The following FRMPD1 variants were observed in gnomAD, a reference collection of about 807,000 sequenced individuals.
The protein encoded by FRMPD1 is FERM and PDZ domain-containing protein 1.
FRMPD1 carries 76 observed loss-of-function variants against 117.8 expected under a neutral mutation model. That is an observed-to-expected ratio of 0.65 (90% CI 0.54 to 0.78). FRMPD1 has a LOEUF of 0.78. Among genes scored for constraint, FRMPD1 ranks in the 30% least tolerant of loss-of-function variants. The probability of loss-of-function intolerance (pLI) is 0.00; values close to 1 mark genes in which losing one functional copy is unlikely to be tolerated. For missense variants in FRMPD1, 1,786 were observed against 1,964.5 expected, an observed-to-expected ratio of 0.91 and a Z score of 1.72; for synonymous variants, 783 against 770.4, an observed-to-expected ratio of 1.02 and a Z score of -0.27.
chr9:37,660,617 A>G (rs919009581), intron 1 of FRMPD1, among the ~76,000 whole-genome samples: 1 of 152,220 alleles, frequency 6.6e-6, no homozygotes. Flanking sequence ...TTCCATTTTG[A>G]CAAGGCTTGT....
rs1822165545 is a variant in FRMPD1 at position 37,692,274 on chromosome 9, A to G, written c.-4-364A>G. Among the ~76,000 whole-genome samples the G allele has an allele frequency of 2.0e-5, 3 of 152,326 alleles. No homozygotes were observed. The South Asian group carries it at 6.2e-4, about 32-fold the overall frequency. On this transcript the variant is annotated intron_variant, in intron 1 of 15. Coordinates refer to ENST00000377765, the MANE Select transcript of FRMPD1 (RefSeq NM_014907.3). ...CCTGATGCAGGCAAAACTGAACCGC[A>G]TTGTCCAGGGTTGCACACATAGTTG...
chr9:37,680,749 G>T (rs1291135134), intron 1 of FRMPD1, among the ~76,000 whole-genome samples: 6 of 152,112 alleles, frequency 3.9e-5, no homozygotes, highest in African/African-American at 1.4e-4. Flanking sequence ...TGTGAGCATT[G>T]TTTTTTCTCT....
intron 6 of FRMPD1, 34 bp from the exon 7 acceptor site, chr9:37,724,191 G>T: frequency 9.1e-7 from 1 of 1,100,336 alleles, no homozygotes. Flanking sequence ...AATAAAAAAA[G>T]ACAGGGATAC....
chr9:37,720,095 A>G (rs1823327697), intron 6 of FRMPD1, among the ~76,000 whole-genome samples: 1 of 152,202 alleles, frequency 6.6e-6, no homozygotes, highest in Admixed American at 6.5e-5. Context: ...CATGGTCCAC[A>G]TCTACAGAGC....
chr9:37,722,521 T>C (rs1823441220), intron 6 of FRMPD1, among the ~76,000 whole-genome samples: 1 of 152,234 alleles, frequency 6.6e-6, no homozygotes, highest in East Asian at 1.9e-4. Flanking sequence ...AATTCTTCTG[T>C]CTCAGCCTCC....
intron 5 of FRMPD1, among the ~76,000 whole-genome samples, chr9:37,713,202 G>A (rs1485388041): frequency 6.6e-6 from 1 of 152,146 alleles, no homozygotes; most frequent in Admixed American, 6.5e-5. Context: ...GGCCTTGATA[G>A]GCAGGTTTAA....
rs978687062 is a variant in FRMPD1 at position 37,651,097 on chromosome 9, A to G, written c.-5+3A>G. On this transcript the variant is annotated splice_donor_region_variant and intron_variant, in intron 1 of 15. Transcript: ENST00000377765. ...CGCGGGCGGCACCTCCTCTGCAGGT[A>G]AGGGAGGGGTCCTGGCACCGCAAAG... is the stretch of plus-strand genomic sequence containing the variant. The G allele has an allele frequency of 3.3e-5, 5 of 152,128 alleles. No homozygotes were observed. In the South Asian group the frequency reaches 6.2e-4, roughly 19 times the overall value. 9.4% of individuals were successfully genotyped at this position (152,128 alleles called of 1,614,324 possible).
At chr9:37,676,527 C>T (rs1008379319) in intron 1 of FRMPD1, among the ~76,000 whole-genome samples, 1 of 152,156 alleles carries the variant, frequency 6.6e-6, no homozygotes, top group Non-Finnish European at 1.5e-5. Context: ...GCTGTTGGTG[C>T]CACTCCTACT....
At position 37,714,640 on chromosome 9, in the gene FRMPD1, A is replaced by ATTTTG. The variant is rs1563944988; in HGVS notation, c.408+3249_408+3250insGTTTT. ...ATTTTATTTTGTTTTGTTTTATTTT[A>ATTTTG]TTTTATCTTATTTTATTTATTTTTG... On this transcript the variant is annotated intron_variant, in intron 5 of 15. Coordinates refer to ENST00000377765, the MANE Select transcript of FRMPD1 (RefSeq NM_014907.3). Among the ~76,000 whole-genome samples, 123 of 128,144 alleles carry ATTTTG rather than the reference A, an allele frequency of 9.6e-4. 3 individuals carry two copies. Among genetic ancestry groups the ATTTTG allele is most frequent in the East Asian group, 3.3e-3 (12 of 3,636 alleles). 84.1% of individuals were successfully genotyped at this position (128,144 alleles called of 152,430 possible). A position where few individuals can be genotyped will look rare whatever the true frequency, so the allele number is the denominator to read the frequency against.
chr9:37,626,518 A>T, the FRMPD1 span, among the ~76,000 whole-genome samples: 1 of 148,706 alleles, frequency 6.7e-6, no homozygotes, highest in Non-Finnish European at 1.5e-5. Flanking sequence ...AAAAAAAAAA[A>T]AAATTAAATG....
the FRMPD1 span, among the ~76,000 whole-genome samples, chr9:37,626,500 C>CA: frequency 0.04 from 3,485 of 87,232 alleles, 253 homozygotes; most frequent in African/African-American, 0.14. Flanking sequence ...GACTTAGTCT[C>CA]AAAAAAAAAA....
chr9:37,733,709 T>G (rs753143578), intron 11 of FRMPD1, 21 bp from the exon 12 acceptor site: 1 of 1,561,278 alleles, frequency 6.4e-7, no homozygotes, highest in Non-Finnish European at 8.8e-7. Flanking sequence ...TGACTTCAAG[T>G]GTTTTTTTTT....
intron 5 of FRMPD1, among the ~76,000 whole-genome samples, chr9:37,714,576 GTTTATTTTATTTTAT>G (rs879932382): frequency 6.9e-6 from 1 of 144,538 alleles, no homozygotes; most frequent in African/African-American, 2.6e-5. Flanking sequence ...CTCCGAAGAA[GTTTATTTTATTTTAT>G]TTTATTTTAT....
intron 2 of FRMPD1, chr9:37,693,403 G>A (rs1009509929): frequency 5.3e-5 from 8 of 152,242 alleles, no homozygotes; most frequent in African/African-American, 1.9e-4. Flanking sequence ...AATATCACGT[G>A]TCAGGTGTTT....
At chr9:37,679,512 C>G (rs1289284837) in intron 1 of FRMPD1, among the ~76,000 whole-genome samples, 1 of 152,210 alleles carries the variant, frequency 6.6e-6, no homozygotes, top group Non-Finnish European at 1.5e-5. Context: ...TTTACTCTTT[C>G]ACTATCACTC....
the FRMPD1 span, among the ~76,000 whole-genome samples, chr9:37,632,053 T>A: frequency 6.6e-6 from 1 of 152,168 alleles, no homozygotes; most frequent in South Asian, 2.1e-4. Context: ...GTATCTAATG[T>A]TTTTATATAC....
intron 6 of FRMPD1, among the ~76,000 whole-genome samples, chr9:37,719,874 A>G (rs1237785097): frequency 6.6e-6 from 1 of 152,188 alleles, no homozygotes; most frequent in Non-Finnish European, 1.5e-5. Context: ...TTTAATGTGG[A>G]GTGTTGGATA....
chr9:37,657,569 A>C (rs1261074471), intron 1 of FRMPD1, among the ~76,000 whole-genome samples: 3 of 152,206 alleles, frequency 2.0e-5, no homozygotes, highest in Non-Finnish European at 4.4e-5. Context: ...GTGGAGATAC[A>C]TACTTGGCCT....
At chr9:37,643,576 T>C in the FRMPD1 span, among the ~76,000 whole-genome samples, 25 of 152,226 alleles carry the variant, frequency 1.6e-4, no homozygotes, top group African/African-American at 5.6e-4. Context: ...TGCTTGAATC[T>C]CCTTACATTT....
Sources: allele counts gnomAD v4.1 joint callset (sites outside exome capture counted in the v4.1 genomes callset), GRCh38; gene constraint gnomAD v4.1.1; transcripts MANE v1.5; gene names NCBI Gene and HGNC (gene_info 2026-07-23, HGNC 2026-07-21).